The following CABLES1 variants were observed in gnomAD, a reference collection of about 807,000 sequenced individuals.
CABLES1 encodes Cdk5 and Abl enzyme substrate 1, also known as CDK5 and ABL1 enzyme substrate 1.
In CABLES1, 36 loss-of-function variants were observed where a neutral mutation model predicts 57.8. The ratio of observed to expected loss-of-function variants is 0.62; its 90% CI spans 0.48 to 0.82. The LOEUF (loss-of-function observed/expected upper bound fraction) is 0.82. Among genes scored for constraint, CABLES1 ranks in the 40% least tolerant of loss-of-function variants. The probability of loss-of-function intolerance (pLI) is 0.00; values close to 1 mark genes in which losing one functional copy is unlikely to be tolerated. For missense variants in CABLES1, 767 were observed against 836.6 expected (o/e 0.92, Z 1.03); for synonymous variants, 374 against 363.0 (o/e 1.03, Z -0.35).
chr18:23,254,351 G>A (rs1392687565), intron 9 of CABLES1, among the ~76,000 whole-genome samples: 3 of 152,210 alleles, frequency 2.0e-5, no homozygotes, highest in African/African-American at 7.2e-5. Flanking sequence ...GCGTGAGTTT[G>A]ACAAGGTGGT....
chr18:23,253,671 T>TTCGAG lies in CABLES1; in HGVS notation c.1554-58_1554-57insTCGAG, dbSNP rs45476000. On this transcript the variant is annotated intron_variant, in intron 8 of 9. Coordinates refer to ENST00000256925, the MANE Select transcript of CABLES1 (RefSeq NM_001100619.3). ...AGCATTCAAGATGGGGGAGTTTTTC[T>TTCGAG]GTCCACTGAAACTCTAAGTTTTCAC... The TTCGAG allele has an allele frequency of 8.1e-3, 11,624 of 1,428,586 alleles. 76 individuals are homozygous for TTCGAG. Among genetic ancestry groups the TTCGAG allele is most frequent in the African/African-American group, 0.025 (1,752 of 70,704 alleles). 88.5% of individuals were successfully genotyped at this position (1,428,586 alleles called of 1,614,324 possible).
intron 9 of CABLES1, 130 bp from the exon 10 acceptor site, chr18:23,257,097 C>T (rs2048186875): frequency 9.8e-7 from 1 of 1,021,074 alleles, no homozygotes; most frequent in Admixed American, 2.6e-5. Context: ...CTTTCTTCCT[C>T]CACAGAGCTT....
At chr18:23,184,712 T>A (rs1367509122) in intron 1 of CABLES1, among the ~76,000 whole-genome samples, 3 of 151,836 alleles carry the variant, frequency 2.0e-5, no homozygotes, top group East Asian at 1.9e-4. Context: ...CAGAAAAAAA[T>A]AAATAAATAA....
intron 3 of CABLES1, among the ~76,000 whole-genome samples, chr18:23,202,752 T>C (rs1367767455): frequency 6.6e-6 from 1 of 151,918 alleles, no homozygotes; most frequent in African/African-American, 2.4e-5. Flanking sequence ...TTTGGGAGAC[T>C]GAGGCAGGCA....
chr18:23,237,959 G>C (rs779966792), intron 7 of CABLES1, among the ~76,000 whole-genome samples: 1 of 152,150 alleles, frequency 6.6e-6, no homozygotes, highest in African/African-American at 2.4e-5. Flanking sequence ...TTTCAGAACA[G>C]TCGATTGGCC....
intron 7 of CABLES1, among the ~76,000 whole-genome samples, chr18:23,238,496 G>C (rs2047660608): frequency 6.6e-6 from 1 of 152,184 alleles, no homozygotes; most frequent in Non-Finnish European, 1.5e-5. Flanking sequence ...TTCTAACACA[G>C]AAAGCAAAAT....
chr18:23,158,321 A>AGAGGTTATTATGAGGTT (rs2046979255), intron 1 of CABLES1, among the ~76,000 whole-genome samples: 1 of 152,110 alleles, frequency 6.6e-6, no homozygotes, highest in African/African-American at 2.4e-5. Context: ...TAATAACACC[A>AGAGGTTATTATGAGGTT]AACATCTGAG....
At chr18:23,252,036 AG>A (rs2145132249) in intron 7 of CABLES1, among the ~76,000 whole-genome samples, 1 of 151,578 alleles carries the variant, frequency 6.6e-6, no homozygotes, top group East Asian at 2.0e-4. Flanking sequence ...CAGCGAACCA[AG>A]ATTGCACCGC....
chr18:23,170,284 A>C (rs115736184), intron 1 of CABLES1, among the ~76,000 whole-genome samples: 96 of 152,296 alleles, frequency 6.3e-4, no homozygotes, highest in African/African-American at 2.3e-3. Flanking sequence ...AAGGAAATAT[A>C]AACATGTAAC....
chr18:23,240,420 C>T (rs2047706976), intron 7 of CABLES1, among the ~76,000 whole-genome samples: 1 of 152,232 alleles, frequency 6.6e-6, no homozygotes, highest in Admixed American at 6.5e-5. Context: ...CCTCCCTCCC[C>T]ACTGACTCGG....
At chr18:23,146,929 G>T (rs112199035) in intron 1 of CABLES1, among the ~76,000 whole-genome samples, 1 of 152,106 alleles carries the variant, frequency 6.6e-6, no homozygotes, top group African/African-American at 2.4e-5. Flanking sequence ...TTGTGAGTTC[G>T]TTAACCAAAA....
chr18:23,243,131 AT>A (rs1219027222), intron 7 of CABLES1, among the ~76,000 whole-genome samples: 2 of 151,850 alleles, frequency 1.3e-5, no homozygotes, highest in Non-Finnish European at 2.9e-5. Flanking sequence ...TACCTGGATG[AT>A]TTAGGCACTT....
At chr18:23,143,674 T>G (rs2046872217) in intron 1 of CABLES1, among the ~76,000 whole-genome samples, 1 of 152,220 alleles carries the variant, frequency 6.6e-6, no homozygotes, top group South Asian at 2.1e-4. Flanking sequence ...GTGGTTGTGC[T>G]TCCCCCACCC....
At chr18:23,142,767 G>A (rs1448879894) in intron 1 of CABLES1, among the ~76,000 whole-genome samples, 1 of 152,188 alleles carries the variant, frequency 6.6e-6, no homozygotes, top group African/African-American at 2.4e-5. Flanking sequence ...AGTGGTGAGT[G>A]AGTGGTTAGA....
intron 4 of CABLES1, among the ~76,000 whole-genome samples, chr18:23,229,535 G>C (rs186353168): frequency 3.8e-4 from 58 of 152,302 alleles, no homozygotes; most frequent in African/African-American, 1.4e-3. Context: ...GCTGCAGTTC[G>C]ACATTCTCTA....
chr18:23,176,467 A>G (rs1242363522), intron 1 of CABLES1, among the ~76,000 whole-genome samples: 1 of 152,100 alleles, frequency 6.6e-6, no homozygotes, highest in Non-Finnish European at 1.5e-5. Flanking sequence ...GTAAGACCCC[A>G]GTACTGTCCA....
At chr18:23,170,844 T>C (rs1348744535) in intron 1 of CABLES1, among the ~76,000 whole-genome samples, 1 of 152,216 alleles carries the variant, frequency 6.6e-6, no homozygotes, top group African/African-American at 2.4e-5. Context: ...TCTCCCAGGC[T>C]GGAGTGCAGT....
intron 1 of CABLES1, among the ~76,000 whole-genome samples, chr18:23,188,102 A>G (rs1188513985): frequency 6.6e-6 from 1 of 152,222 alleles, no homozygotes; most frequent in Non-Finnish European, 1.5e-5. Context: ...TAAACTTACC[A>G]CCACCCTACC....
At chr18:23,217,947 C>G (rs1424943400) in intron 4 of CABLES1, among the ~76,000 whole-genome samples, 1 of 152,232 alleles carries the variant, frequency 6.6e-6, no homozygotes, top group African/African-American at 2.4e-5. Context: ...AATTTGGGAC[C>G]CGGGCTGCCC....
Sources: allele counts gnomAD v4.1 joint callset (sites outside exome capture counted in the v4.1 genomes callset), GRCh38; gene constraint gnomAD v4.1.1; transcripts MANE v1.5; gene names NCBI Gene and HGNC (gene_info 2026-07-23, HGNC 2026-07-21).